AP2A1: variants seen among roughly 807,000 people sequenced by gnomAD.
The protein encoded by AP2A1 is adaptor related protein complex 2 subunit alpha 1.
In AP2A1, 21 loss-of-function variants were observed where a neutral mutation model predicts 107.3. That is an observed-to-expected ratio of 0.20 (90% CI 0.14 to 0.28). The LOEUF is 0.28. AP2A1 is among the 10% of genes least tolerant of loss of function. AP2A1 has a pLI of 1.00. For missense variants in AP2A1, 873 were observed against 1,307.7 expected, an observed-to-expected ratio of 0.67 and a Z score of 5.13; for synonymous variants, 602 against 564.8, an observed-to-expected ratio of 1.07 and a Z score of -0.93.
chr19:49,802,937 C>T lies in AP2A1; in HGVS notation c.2115-12C>T. The T allele has an allele frequency of 6.2e-7, 1 of 1,611,772 alleles. No individual in the cohort carries two copies. Reference sequence around the variant, plus strand: ...AAGTTCCTTCCCATCTCACTCTGCTCCATGCCTCCAGCCCAGGTCCTGAGG... The same window carrying T: ...AAGTTCCTTCCCATCTCACTCTGCTTCATGCCTCCAGCCCAGGTCCTGAGG... On this transcript the variant is annotated splice_polypyrimidine_tract_variant and intron_variant, in intron 15 of 22. Transcript: ENST00000354293.
At chr19:49,802,740 T>C in intron 15 of AP2A1, 2 of 1,046,714 alleles carry the variant, frequency 1.9e-6, no homozygotes, top group Non-Finnish European at 2.7e-6. Context: ...GGAAACTTGG[T>C]GTCTGCCGAT....
At chr19:49,781,923 C>T in intron 2 of AP2A1, 24 bp from the exon 3 acceptor site, 2 of 1,610,134 alleles carry the variant, frequency 1.2e-6, no homozygotes, top group Non-Finnish European at 1.7e-6. Flanking sequence ...TTCTGGCTCC[C>T]CTTTCCTCCT....
rs1290870840 is a variant in AP2A1, at chr19:49,807,010, G to A, written c.*252G>A. On this transcript the variant is annotated 3_prime_UTR_variant, in exon 23 of 23. Transcript: ENST00000354293. Reference sequence around the variant, plus strand: ...CAGAGGGGAGAGGGGCCAGGGAAGTGGATGTCTCCTCCCCTCCCACCCCAC... The same window carrying A: ...CAGAGGGGAGAGGGGCCAGGGAAGTAGATGTCTCCTCCCCTCCCACCCCAC... The A allele has an allele frequency of 2.6e-6, 4 of 1,520,634 alleles. No homozygotes were observed. The highest frequency in any genetic ancestry group is 2.6e-6 in the Non-Finnish European group (3 of 1,137,462). 94.2% of individuals were successfully genotyped at this position (1,520,634 alleles called of 1,614,324 possible). A position where few individuals can be genotyped will look rare whatever the true frequency, so the allele number is the denominator to read the frequency against.
chr19:49,782,683 C>T lies in AP2A1; in HGVS notation c.432C>T (p.Gly144=), dbSNP rs149670350. Residue 144 remains glycine, a synonymous_variant, in exon 4 of 23, where the codon GGC becomes GGT. Coordinates refer to ENST00000354293, the MANE Select transcript of AP2A1 (RefSeq NM_130787.3). Reference sequence around the variant, plus strand: ...CCAACGTGGGCAGCCGGGAGATGGGCGAGGCCTTTGCCGCTGACATCCCCC... The same window carrying T: ...CCAACGTGGGCAGCCGGGAGATGGGTGAGGCCTTTGCCGCTGACATCCCCC... The part of the protein sequence containing the change: ...CIANVGSREM[G]EAFAADIPRI... 156 of 1,610,548 alleles carry T rather than the reference C, an allele frequency of 9.7e-5. No individual in the cohort carries two copies. The East Asian group carries it at 1.2e-3, about 12-fold the overall frequency.
intron 1 of AP2A1, among the ~76,000 whole-genome samples, chr19:49,772,352 C>G (rs1399240482): frequency 1.4e-5 from 2 of 142,544 alleles, no homozygotes; most frequent in Non-Finnish European, 3.0e-5. Context: ...CTCCACCTCC[C>G]GGGTTCACGG....
intron 1 of AP2A1, among the ~76,000 whole-genome samples, chr19:49,777,551 C>T (rs1392864567): frequency 3.3e-5 from 5 of 150,286 alleles, no homozygotes; most frequent in South Asian, 2.1e-4. Context: ...AGGAGAATGG[C>T]GTGAACCTGG....
chr19:49,806,872 G>T lies in AP2A1; in HGVS notation c.*114G>T. On this transcript the variant is annotated 3_prime_UTR_variant, in exon 23 of 23. Coordinates refer to ENST00000354293, the MANE Select transcript of AP2A1 (RefSeq NM_130787.3). Reference sequence around the variant, plus strand: ...GACAGAGAAGACACCAGGGTTTGGGGGATGCCTGGGACTTTCCTCCGGCCT... The same window carrying T: ...GACAGAGAAGACACCAGGGTTTGGGTGATGCCTGGGACTTTCCTCCGGCCT... 6.4e-7 allele frequency: 1 copy of T among 1,567,136 alleles called. No homozygotes were observed. The highest frequency in any genetic ancestry group is 8.6e-7 in the Non-Finnish European group (1 of 1,160,604).
At chr19:49,805,153 C>A in intron 18 of AP2A1, 1 of 362,702 alleles carries the variant, frequency 2.8e-6, no homozygotes. Flanking sequence ...AGTGGTTGCC[C>A]ACAGCCACTC....
At chr19:49,787,378 C>G (rs1226433575) in intron 4 of AP2A1, among the ~76,000 whole-genome samples, 1 of 123,728 alleles carries the variant, frequency 8.1e-6, no homozygotes, top group Non-Finnish European at 1.6e-5. Context: ...GAGGCAGTCT[C>G]TCTCTGTCAC....
chr19:49,805,333 T>G (rs1193569367), intron 18 of AP2A1, 120 bp from the exon 19 acceptor site: 5 of 1,194,888 alleles, frequency 4.2e-6, no homozygotes, highest in Non-Finnish European at 5.7e-6. Flanking sequence ...AGTCCAGGAT[T>G]GCACCATGGG....
Position 49,805,914 on chromosome 19 carries a change from C to A in AP2A1, c.2628C>A (p.Pro876=). ...AGAAAATCTTCAAAGCCAACCACCC[C>A]ATGGACGCAGAAGTTACTAAGGCCA... ...EAQKIFKANH[P]MDAEVTKAKL... The change falls in exon 21 of 23, where the codon CCC becomes CCA. Residue 876 remains proline (P), a synonymous_variant. Transcript: ENST00000354293. 2 of 1,613,854 alleles carry A rather than the reference C, an allele frequency of 1.2e-6. No individual in the cohort carries two copies. The highest frequency in any genetic ancestry group is 1.7e-6 in the Non-Finnish European group (2 of 1,179,898).
chr19:49,802,389 T>C, intron 15 of AP2A1: 1 of 956,982 alleles, frequency 1.0e-6, no homozygotes, highest in Non-Finnish European at 1.6e-6. Context: ...TCACCGTTTC[T>C]CAGCCTGCTC....
At chr19:49,784,164 C>T (rs542661926) in intron 4 of AP2A1, among the ~76,000 whole-genome samples, 4 of 152,236 alleles carry the variant, frequency 2.6e-5, no homozygotes, top group Admixed American at 1.3e-4. Flanking sequence ...GTGGTGCTCA[C>T]GCCTGTAATC....
Position 49,782,088 on chromosome 19 carries a change from TAGTG to T in AP2A1, c.279+3_279+6del. 2 of 1,526,300 alleles carry T rather than the reference TAGTG, an allele frequency of 1.3e-6. No individual in the cohort carries two copies. The highest frequency in any genetic ancestry group is 8.8e-7 in the Non-Finnish European group (1 of 1,135,476). The allele number at this position is 1,526,300 out of a possible 1,614,324, so 94.5% of individuals were successfully genotyped here. A position where few individuals can be genotyped will look rare whatever the true frequency, so the allele number is the denominator to read the frequency against. ...TCCAATAAATACACAGAGAAGCAAA[TAGTG>T]AGTCTGGAGAGGGGGGTGCCAGGGC... On this transcript the variant is annotated splice_donor_variant and splice_donor_region_variant and coding_sequence_variant and intron_variant, in exon 3 of 23. Transcript: ENST00000354293. LOFTEE classifies it high-confidence loss of function.
intron 5 of AP2A1, 95 bp downstream of exon 5, chr19:49,792,159 C>A: frequency 7.5e-7 from 1 of 1,329,202 alleles, no homozygotes; most frequent in East Asian, 2.5e-5. Context: ...AGCCCTCACA[C>A]CCCCGGATAC....
chr19:49,802,668 G>A lies in AP2A1; in HGVS notation c.2115-281G>A, dbSNP rs1600244443. The A allele has an allele frequency of 6.4e-6, 9 of 1,404,442 alleles. No homozygotes were observed. The East Asian group carries it at 2.0e-4, about 31-fold the overall frequency. 87.0% of individuals were successfully genotyped at this position (1,404,442 alleles called of 1,614,324 possible). A position where few individuals can be genotyped will look rare whatever the true frequency, so the allele number is the denominator to read the frequency against. On this transcript the variant is annotated intron_variant, in intron 15 of 22. Transcript: ENST00000354293. ...TCGGGTGTCCCCAGGGAGAGTTAGGGGACTGGGAGCCCTCGTCAACGGGTT... is the reference window on the plus strand; with the variant it reads ...TCGGGTGTCCCCAGGGAGAGTTAGGAGACTGGGAGCCCTCGTCAACGGGTT...
At chr19:49,804,320 T>A (rs531945144) in intron 18 of AP2A1, 1 of 151,766 alleles carries the variant, frequency 6.6e-6, no homozygotes, top group South Asian at 2.1e-4. Context: ...GGTGGTTGGA[T>A]CACGAGGTCA....
Position 49,774,961 on chromosome 19 carries a change from C to T in AP2A1, c.68-6796C>T, listed in dbSNP as rs140902245. ...AAAACAGGCTGAGCATGGCAGCTCACGCCTGTAATCCCAGCACTTTGTGGG... is the reference window on the plus strand; with the variant it reads ...AAAACAGGCTGAGCATGGCAGCTCATGCCTGTAATCCCAGCACTTTGTGGG... On this transcript the variant is annotated intron_variant, in intron 1 of 22. Transcript: ENST00000354293. 8.6e-3 allele frequency among the ~76,000 whole-genome samples: 1,299 copies of T among 151,510 alleles called. 21 individuals are homozygous for T. Among genetic ancestry groups the T allele is most frequent in the African/African-American group, 0.03 (1,222 of 41,304 alleles).
At chr19:49,794,015 C>T (rs1340279357) in intron 6 of AP2A1, among the ~76,000 whole-genome samples, 1 of 150,528 alleles carries the variant, frequency 6.6e-6, no homozygotes, top group African/African-American at 2.5e-5. Flanking sequence ...ATTCTCCAGC[C>T]TTAGCCTCCC....
Sources: allele counts gnomAD v4.1 joint callset (sites outside exome capture counted in the v4.1 genomes callset), GRCh38; gene constraint gnomAD v4.1.1; transcripts MANE v1.5; gene names NCBI Gene and HGNC (gene_info 2026-07-23, HGNC 2026-07-21).